FRS3: variants seen among roughly 807,000 people sequenced by gnomAD.
FRS3 encodes FGFR substrate 3.
A neutral mutation model predicts 41.9 loss-of-function variants in FRS3; 17 were observed. The observed-to-expected ratio is 0.41, with a 90% CI of 0.28 to 0.61. The LOEUF is 0.61. Ranked by LOEUF, FRS3 falls within the 20% of genes least tolerant of loss-of-function variation. FRS3 has a pLI of 0.36. For missense variants in FRS3, 619 were observed against 672.1 expected (o/e 0.92, Z 0.87); for synonymous variants, 287 against 274.5 (o/e 1.05, Z -0.45).
In FRS3 at chr6:41,770,630, G is replaced by A. The variant is rs1324183833; in HGVS notation, c.1468C>T (p.Leu490=). ...ARKTRHNSTD[L]PL ...GGACCGGGAAGTCCCTACAGAGGCA[G>A]GTCGGTGCTGTTGTGCCGGGTTTTC... is the stretch of plus-strand genomic sequence containing the variant. The change falls in exon 7 of 7, where the codon CTG becomes TTG. Residue 490 remains leucine, a synonymous_variant. Coordinates refer to ENST00000373018, the MANE Select transcript of FRS3 (RefSeq NM_006653.5). The A allele has an allele frequency of 6.2e-7, 1 of 1,614,108 alleles. No homozygotes were observed. Among genetic ancestry groups the A allele is most frequent in the African/African-American group, 1.3e-5 (1 of 74,948 alleles).
chr6:41,778,268 G>A (rs1381391967), intron 1 of FRS3, 92 bp from the exon 2 acceptor site: 3 of 152,170 alleles, frequency 2.0e-5, no homozygotes. Context: ...CATCCCACCT[G>A]GGTATCTGTT....
In FRS3 at chr6:41,770,918, G is replaced by C; in HGVS notation, c.1180C>G (p.Arg394Gly). The C allele has an allele frequency of 6.2e-7, 1 of 1,611,828 alleles. No homozygotes were observed. The highest frequency in any genetic ancestry group is 8.5e-7 in the Non-Finnish European group (1 of 1,179,942). The part of the protein sequence containing the change: ...GSFPVPLTRR[R>G]GSPRVFNFDF... Reference sequence around the variant, plus strand: ...AAGTTGAAGACCCTTGGGGAGCCGCGGCGGCGGGTCAGTGGCACAGGAAAG... The same window carrying C: ...AAGTTGAAGACCCTTGGGGAGCCGCCGCGGCGGGTCAGTGGCACAGGAAAG... Residue 394 changes from arginine to glycine, a missense_variant, in exon 7 of 7, where the codon CGC becomes GGC. Coordinates refer to ENST00000373018, the MANE Select transcript of FRS3 (RefSeq NM_006653.5).
chr6:41,770,633 C>G lies in FRS3; in HGVS notation c.1465G>C (p.Asp489His). ...CCGGGAAGTCCCTACAGAGGCAGGT[C>G]GGTGCTGTTGTGCCGGGTTTTCCTG... ...TARKTRHNST[D>H]LPL The change falls in exon 7 of 7, where the codon GAC becomes CAC. Residue 489 changes from aspartate to histidine, a missense_variant. By Grantham distance (81) the Asp-to-His change is moderately conservative (BLOSUM62 -1). Transcript: ENST00000373018. 1 of 1,614,088 alleles carries G rather than the reference C, an allele frequency of 6.2e-7. No homozygotes were observed. Among genetic ancestry groups the G allele is most frequent in the Non-Finnish European group, 8.5e-7 (1 of 1,180,016 alleles).
intron 3 of FRS3, chr6:41,776,552 G>A (rs1350963476): frequency 2.3e-5 from 4 of 175,104 alleles, no homozygotes; most frequent in East Asian, 3.1e-4. Flanking sequence ...GTGAGCCACC[G>A]TGCCTGGCCA....
At chr6:41,777,321 A>AGGG (rs1218292883) in intron 2 of FRS3, among the ~76,000 whole-genome samples, 1 of 152,256 alleles carries the variant, frequency 6.6e-6, no homozygotes, top group African/African-American at 2.4e-5. Context: ...CAAGGAAGGC[A>AGGG]GGGACACAGG....
intron 4 of FRS3, 131 bp downstream of exon 4, chr6:41,775,288 G>A (rs1772385435): frequency 1.5e-6 from 1 of 671,390 alleles, no homozygotes. Context: ...ACTGCAGGGA[G>A]AATACATCAC....
chr6:41,772,745 CGTGTGTGTGTGTGT>C (rs70987534), intron 5 of FRS3, 39 bp downstream of exon 5: 43 of 1,163,968 alleles, frequency 3.7e-5, no homozygotes, highest in South Asian at 2.5e-4. Flanking sequence ...GCTTCCTGGG[CGTGTGTGTGTGTGT>C]GTGTGTGTGT....
intron 1 of FRS3, among the ~76,000 whole-genome samples, chr6:41,779,465 G>C (rs1772482664): frequency 6.6e-6 from 1 of 152,036 alleles, no homozygotes; most frequent in South Asian, 2.1e-4. Flanking sequence ...AAGAGAAATG[G>C]TGGGTCCGTG....
chr6:41,771,164 G>T lies in FRS3; in HGVS notation c.934C>A (p.Leu312Ile). 6.4e-7 allele frequency: 1 copy of T among 1,555,280 alleles called. No individual in the cohort carries two copies. The highest frequency in any genetic ancestry group is 1.2e-5 in the South Asian group (1 of 81,744). ...AGCAGGGCGGCCCGGCGGTGGGCAA[G>T]GCCATTCCAGCCCGGCTCCTCTGGG... Reference protein sequence around the residue: ...LSPEEPGWNGLAHRRAALLHY... With the variant: ...LSPEEPGWNGIAHRRAALLHY... Residue 312 changes from leucine to isoleucine, a missense_variant, in exon 7 of 7, where the codon CTT becomes ATT. By Grantham distance (5) the Leu-to-Ile change is conservative. Around this residue, in one of 3 missense-constraint regions of FRS3, gnomAD observed 487 missense variants for 478.3 expected, o/e 1.02. Transcript: ENST00000373018.
Position 41,770,610 on chromosome 6 carries a change from G to T in FRS3, c.*9C>A. The T allele has an allele frequency of 6.2e-7, 1 of 1,613,662 alleles. No individual in the cohort carries two copies. Among genetic ancestry groups the T allele is most frequent in the East Asian group, 2.2e-5 (1 of 44,884 alleles). On this transcript the variant is annotated 3_prime_UTR_variant, in exon 7 of 7. Transcript: ENST00000373018. ...GGTGGGGCAGAGGGTGGTGAGGACC[G>T]GGAAGTCCCTACAGAGGCAGGTCGG...
At chr6:41,771,686 G>T in intron 6 of FRS3, 130 bp downstream of exon 6, 1 of 1,192,002 alleles carries the variant, frequency 8.4e-7, no homozygotes. Flanking sequence ...GCTCCCTTTT[G>T]GGGACAGGAA....
In FRS3 at chr6:41,770,877, C is replaced by A; in HGVS notation, c.1221G>T (p.Pro407=). Residue 407 remains proline (P), a synonymous_variant, in exon 7 of 7, where the codon CCG becomes CCT. Transcript: ENST00000373018. ...TAAGCTGCCTTGGGGGCTCGGGCCCCGGCCGGCGGAAATCAAAGTTGAAGA... is the reference window on the plus strand; with the variant it reads ...TAAGCTGCCTTGGGGGCTCGGGCCCAGGCCGGCGGAAATCAAAGTTGAAGA... ...PRVFNFDFRR[P]GPEPPRQLNY... is the part of the protein sequence containing the mutation. 6.2e-7 allele frequency: 1 copy of A among 1,609,440 alleles called. No individual in the cohort carries two copies. The highest frequency in any genetic ancestry group is 8.5e-7 in the Non-Finnish European group (1 of 1,179,932).
At chr6:41,775,382 GC>G (rs1772387378) in intron 4 of FRS3, 36 bp downstream of exon 4, 2 of 1,545,960 alleles carry the variant, frequency 1.3e-6, no homozygotes, top group Non-Finnish European at 8.8e-7. Context: ...TACTGCATAA[GC>G]CCCTATCCCA....
Position 41,771,127 on chromosome 6 carries a change from T to C in FRS3, c.971A>G (p.Asn324Ser), listed in dbSNP as rs1299384229. ...HRRAALLHYE[N>S]LPPLPPVWES... ...CCACACAGGGGGCAGTGGGGGCAGGTTCTCATAGTGCAGCAGGGCGGCCCG... is the reference window on the plus strand; with the variant it reads ...CCACACAGGGGGCAGTGGGGGCAGGCTCTCATAGTGCAGCAGGGCGGCCCG... The change falls in exon 7 of 7, where the codon AAC (asparagine) becomes AGC (serine). Residue 324 changes from asparagine to serine, a missense_variant. Coordinates refer to ENST00000373018, the MANE Select transcript of FRS3 (RefSeq NM_006653.5). 6.4e-7 allele frequency: 1 copy of C among 1,574,570 alleles called. No homozygotes were observed. The highest frequency in any genetic ancestry group is 1.3e-5 in the African/African-American group (1 of 74,086).
At position 41,772,920 on chromosome 6, in the gene FRS3, A is replaced by C. The variant is rs201592419; in HGVS notation, c.293T>G (p.Phe98Cys). The C allele has an allele frequency of 2.0e-4, 324 of 1,613,896 alleles. No homozygotes were observed. The highest frequency in any genetic ancestry group is 2.7e-4 in the Non-Finnish European group (318 of 1,179,950). Residue 98 changes from phenylalanine (F) to cysteine (C), a missense_variant, in exon 5 of 7, where the codon TTC (phenylalanine) becomes TGC (cysteine). Transcript: ENST00000373018. ...AFKCSRAEEI[F>C]NLLQDLMQCN... ...CTGCATCAGATCCTGAAGGAGGTTGAAGATTTCCTCAGCCCGGGAACACTT... is the reference window on the plus strand; with the variant it reads ...CTGCATCAGATCCTGAAGGAGGTTGCAGATTTCCTCAGCCCGGGAACACTT...
chr6:41,775,829 C>T (rs904213574), intron 3 of FRS3, among the ~76,000 whole-genome samples: 7 of 152,192 alleles, frequency 4.6e-5, no homozygotes, highest in Admixed American at 1.3e-4. Context: ...TGAGTTTTGT[C>T]ATATGGACAG....
chr6:41,779,523 C>G (rs1772484461), intron 1 of FRS3, among the ~76,000 whole-genome samples: 1 of 151,882 alleles, frequency 6.6e-6, no homozygotes, highest in Non-Finnish European at 1.5e-5. Flanking sequence ...CTGAGGGCTC[C>G]AGGAGATGCG....
At chr6:41,779,794 G>T (rs962437443) in intron 1 of FRS3, 22 bp downstream of exon 1, 2 of 144,096 alleles carry the variant, frequency 1.4e-5, no homozygotes, top group Non-Finnish European at 3.1e-5. Flanking sequence ...CCTCGTCCCC[G>T]CCCCGCCGCG....
In FRS3 at chr6:41,771,440, G is replaced by T; in HGVS notation, c.658C>A (p.Leu220Ile). The T allele has an allele frequency of 6.2e-7, 1 of 1,611,458 alleles. No individual in the cohort carries two copies. The highest frequency in any genetic ancestry group is 8.5e-7 in the Non-Finnish European group (1 of 1,178,612). The change falls in exon 7 of 7, where the codon CTC becomes ATC. Residue 220 changes from leucine (L) to isoleucine (I), a missense_variant. This residue lies in a region of FRS3 where 487 missense variants were observed against 478.3 expected (regional missense o/e 1.02). Coordinates refer to ENST00000373018, the MANE Select transcript of FRS3 (RefSeq NM_006653.5). ...QPLPEGQAPFLPQARGPDQRD... is the reference protein window; with the variant it reads ...QPLPEGQAPFIPQARGPDQRD... ...TGGTCAGGTCCCCGGGCCTGCGGGA[G>T]GAAGGGTGCCTGACCCTCAGGCAGG...
Sources: gnomAD v4.1 joint callset for allele counts (sites outside exome capture counted in the v4.1 genomes callset) on GRCh38, gnomAD v4.1.1 for gene constraint, gnomAD v4.1.1 regional missense constraint, MANE v1.5 for transcripts, NCBI Gene and HGNC (gene_info 2026-07-23, HGNC 2026-07-21) for gene names.